TMEM232: variants seen among roughly 807,000 people sequenced by gnomAD.
TMEM232 encodes the protein transmembrane protein 232.
A neutral mutation model predicts 78.8 loss-of-function variants in TMEM232; 80 were observed. The observed-to-expected ratio is 1.01, with a 90% CI of 0.85 to 1.22. TMEM232 has a LOEUF of 1.22. Among genes scored for constraint, TMEM232 ranks in the 50% most tolerant of loss-of-function variants. The pLI is 0.00. For synonymous variants in TMEM232, 297 were observed against 254.3 expected, an observed-to-expected ratio of 1.17 and a Z score of -1.60; for missense variants, 881 against 742.2, an observed-to-expected ratio of 1.19 and a Z score of -2.17.
chr5:110,649,630 T>C (rs1788013425), intron 2 of TMEM232, among the ~76,000 whole-genome samples: 1 of 152,162 alleles, frequency 6.6e-6, no homozygotes, highest in Admixed American at 6.6e-5. Flanking sequence ...GTTTTGATAA[T>C]TGCATTTGAT....
chr5:110,573,875 G>C (rs1417881232), intron 10 of TMEM232, among the ~76,000 whole-genome samples: 1 of 152,026 alleles, frequency 6.6e-6, no homozygotes, highest in Non-Finnish European at 1.5e-5. Flanking sequence ...AGAAAATACA[G>C]AACGAATGTA....
At chr5:110,647,032 G>T (rs1011785243) in intron 2 of TMEM232, among the ~76,000 whole-genome samples, 1 of 151,474 alleles carries the variant, frequency 6.6e-6, no homozygotes, top group Admixed American at 6.6e-5. Context: ...AGTATAAGTT[G>T]TATAGAGACT....
chr5:110,446,999 T>C (rs1170837866), intron 12 of TMEM232, among the ~76,000 whole-genome samples: 1 of 151,758 alleles, frequency 6.6e-6, no homozygotes, highest in East Asian at 1.9e-4. Flanking sequence ...TAAATAAAAA[T>C]AGGTGAAAAT....
chr5:110,504,095 GAA>G lies in TMEM232; in HGVS notation c.1703+24491_1703+24492del, dbSNP rs1465320676. ...AGGATTTATGTGTACAGCTATAAAT[GAA>G]CATAGTTATTTCTCTATTTTAAATA... On this transcript the variant is annotated intron_variant, in intron 12 of 13. Coordinates refer to ENST00000455884, the MANE Select transcript of TMEM232 (RefSeq NM_001039763.4). Among the ~76,000 whole-genome samples the G allele has an allele frequency of 6.6e-5, 10 of 152,268 alleles. No individual in the cohort carries two copies. In the South Asian group the frequency reaches 1.0e-3, roughly 16 times the overall value.
intron 2 of TMEM232, among the ~76,000 whole-genome samples, chr5:110,734,715 C>T (rs1333263802): frequency 6.6e-6 from 1 of 151,870 alleles, no homozygotes; most frequent in East Asian, 1.9e-4. Flanking sequence ...CTTTGCCTAA[C>T]TTCCCTAACA....
At chr5:110,630,314 A>G (rs1784951389) in intron 5 of TMEM232, among the ~76,000 whole-genome samples, 2 of 152,224 alleles carry the variant, frequency 1.3e-5, no homozygotes, top group African/African-American at 4.8e-5. Context: ...ATGAAGCAAT[A>G]ATCATGCCTC....
chr5:110,620,736 C>T (rs1783621393), intron 7 of TMEM232, among the ~76,000 whole-genome samples: 1 of 150,940 alleles, frequency 6.6e-6, no homozygotes, highest in Admixed American at 6.6e-5. Context: ...AGATGTGCTC[C>T]TAGTGGCCTT....
intron 2 of TMEM232, among the ~76,000 whole-genome samples, chr5:110,643,350 C>A (rs992197397): frequency 2.0e-5 from 3 of 151,784 alleles, no homozygotes; most frequent in African/African-American, 7.3e-5. Flanking sequence ...AAAATTCAGA[C>A]AAGATATACC....
At chr5:110,524,060 C>T (rs374464215) in intron 12 of TMEM232, among the ~76,000 whole-genome samples, 10 of 149,100 alleles carry the variant, frequency 6.7e-5, no homozygotes, top group African/African-American at 2.2e-4. Context: ...TTCAGGAGTT[C>T]GCGACCAGCC....
chr5:110,616,453 A>G (rs1210677900), intron 8 of TMEM232, among the ~76,000 whole-genome samples: 2 of 152,096 alleles, frequency 1.3e-5, no homozygotes, highest in Non-Finnish European at 2.9e-5. Context: ...AAAATGAAAC[A>G]TTAACAAAGT....
At chr5:110,520,461 A>G (rs1297604372) in intron 12 of TMEM232, among the ~76,000 whole-genome samples, 1 of 152,218 alleles carries the variant, frequency 6.6e-6, no homozygotes, top group African/African-American at 2.4e-5. Context: ...AAAGACATAC[A>G]CAATTATAAA....
chr5:110,708,906 G>A (rs1406423120), intron 1 of TMEM232, among the ~76,000 whole-genome samples: 1 of 151,910 alleles, frequency 6.6e-6, no homozygotes, highest in East Asian at 1.9e-4. Context: ...AATGTAAATG[G>A]GGTGAACTCT....
At chr5:110,710,350 A>G (rs541644004) in intron 1 of TMEM232, among the ~76,000 whole-genome samples, 43 of 152,274 alleles carry the variant, frequency 2.8e-4, no homozygotes, top group Admixed American at 1.9e-3. Flanking sequence ...TACTCAAACT[A>G]TTCCAAAAAA....
intron 12 of TMEM232, among the ~76,000 whole-genome samples, 155 bp downstream of exon 12, chr5:110,528,433 A>T (rs73783607): frequency 0.04 from 6,142 of 152,078 alleles, 202 homozygotes; most frequent in African/African-American, 0.086. Flanking sequence ...GGGAGGAACT[A>T]GCTCAATGAT....
At position 110,497,756 on chromosome 5, in the gene TMEM232, C is replaced by T. The variant is rs116154506; in HGVS notation, c.1703+30832G>A. 9.3e-3 allele frequency among the ~76,000 whole-genome samples: 1,417 copies of T among 152,142 alleles called. 26 individuals are homozygous for T. Among genetic ancestry groups the T allele is most frequent in the African/African-American group, 0.033 (1,357 of 41,514 alleles). On this transcript the variant is annotated intron_variant, in intron 12 of 13. Coordinates refer to ENST00000455884, the MANE Select transcript of TMEM232 (RefSeq NM_001039763.4). ...TACACACTTATGGTATTTTTCTATGCCTCCAGGTATTAATTTGAATATGTA... is the reference window on the plus strand; with the variant it reads ...TACACACTTATGGTATTTTTCTATGTCTCCAGGTATTAATTTGAATATGTA...
intron 7 of TMEM232, among the ~76,000 whole-genome samples, chr5:110,623,484 AT>A (rs1257576936): frequency 6.6e-6 from 1 of 152,172 alleles, no homozygotes; most frequent in Non-Finnish European, 1.5e-5. Context: ...AGGAAAGGAG[AT>A]GAGATTGATG....
intron 1 of TMEM232, among the ~76,000 whole-genome samples, chr5:110,706,019 GC>G (rs1460084090): frequency 6.6e-6 from 1 of 151,856 alleles, no homozygotes. Context: ...AAATTAAACG[GC>G]TATTTGGTGT....
At chr5:110,663,870 G>C (rs1016866297) in intron 2 of TMEM232, among the ~76,000 whole-genome samples, 1 of 151,968 alleles carries the variant, frequency 6.6e-6, no homozygotes, top group Non-Finnish European at 1.5e-5. Context: ...TGGGCACAAT[G>C]GCTCACATCT....
chr5:110,618,404 T>C, intron 8 of TMEM232, 25 bp downstream of exon 8: 2 of 1,547,348 alleles, frequency 1.3e-6, no homozygotes. Flanking sequence ...CATGAGTTAC[T>C]TTGGATTTAT....
Sources: gnomAD v4.1 joint callset for allele counts (sites outside exome capture counted in the v4.1 genomes callset) on GRCh38, gnomAD v4.1.1 for gene constraint, MANE v1.5 for transcripts, NCBI Gene and HGNC (gene_info 2026-07-23, HGNC 2026-07-21) for gene names.